BEST3: variants seen among roughly 807,000 people sequenced by gnomAD.
The protein encoded by BEST3 is bestrophin-3.
Under a neutral mutation model 47.1 loss-of-function variants are expected in BEST3, and 50 were observed. That is an observed-to-expected ratio of 1.06 (90% CI 0.85 to 1.34). The LOEUF is 1.34. Ranked by LOEUF, BEST3 falls within the 40% of genes most tolerant of loss-of-function variation. BEST3 has a pLI of 0.00. For synonymous variants in BEST3, 282 were observed against 298.8 expected, an observed-to-expected ratio of 0.94 and a Z score of 0.58; for missense variants, 765 against 817.0, an observed-to-expected ratio of 0.94 and a Z score of 0.78.
rs532856517 is a variant in BEST3, at chr12:69,698,800, T to G, written c.-16+405A>C. On this transcript the variant is annotated intron_variant, in intron 1 of 9. Transcript: ENST00000330891. ...TCAACTCTGATTTGCCTATTTTCCC[T>G]AAGGAAATGAAACTCTGGAGCTACG... Among the ~76,000 whole-genome samples, 4 of 152,362 alleles carry G rather than the reference T, an allele frequency of 2.6e-5. No individual in the cohort carries two copies. The East Asian group carries it at 7.7e-4, about 29-fold the overall frequency.
chr12:69,689,375 C>G (rs1885820239), intron 4 of BEST3: 1 of 469,058 alleles, frequency 2.1e-6, no homozygotes, highest in African/African-American at 2.1e-5. Context: ...AGCGTCTCTC[C>G]TGGCTTAGAG....
At chr12:69,652,043 G>C (rs914999088), downstream of BEST3, among the ~76,000 whole-genome samples, 1 of 152,188 alleles carries the variant, frequency 6.6e-6, no homozygotes, top group Non-Finnish European at 1.5e-5. Flanking sequence ...GGAGATAACA[G>C]CCTTCTTTGT....
downstream of BEST3, among the ~76,000 whole-genome samples, chr12:69,651,786 G>GAAAAAAAA (rs5798944): frequency 7.2e-5 from 7 of 97,186 alleles, no homozygotes; most frequent in South Asian, 4.2e-4. Flanking sequence ...AAAAAAAAAA[G>GAAAAAAAA]AAAAAAAAAA....
chr12:69,655,580 C>CT lies in BEST3; in HGVS notation c.1333dup (p.Arg445LysfsTer58). The CT allele has an allele frequency of 6.2e-7, 1 of 1,613,936 alleles. No homozygotes were observed. The highest frequency in any genetic ancestry group is 8.5e-7 in the Non-Finnish European group (1 of 1,179,978). ...GGATTTCTTCCAGGTGGGTGAGGCC[C>CT]TGGGGGGGTTTCTTGAGGGCACATC... On this transcript the variant is annotated frameshift_variant, in exon 10 of 10. Transcript: ENST00000330891. LOFTEE classifies it low-confidence loss of function (END_TRUNC).
intron 9 of BEST3, among the ~76,000 whole-genome samples, chr12:69,663,264 T>C (rs187188413): frequency 1.3e-5 from 2 of 152,380 alleles, no homozygotes; most frequent in East Asian, 3.9e-4. Context: ...AGGATAGTTC[T>C]GGACCTTGAT....
At chr12:69,688,260 G>C (rs974345942) in intron 4 of BEST3, among the ~76,000 whole-genome samples, 2 of 152,136 alleles carry the variant, frequency 1.3e-5, no homozygotes, top group African/African-American at 2.4e-5. Flanking sequence ...ACATCTCCCA[G>C]GGCAGGTGAT....
chr12:69,684,484 T>C (rs377325143), intron 4 of BEST3: 2 of 569,888 alleles, frequency 3.5e-6, no homozygotes, highest in Non-Finnish European at 3.4e-6. Flanking sequence ...TTTTCCTTGA[T>C]TGAAGTTGAG....
downstream of BEST3, among the ~76,000 whole-genome samples, chr12:69,648,704 C>T (rs1459544580): frequency 6.6e-6 from 1 of 152,138 alleles, no homozygotes; most frequent in Non-Finnish European, 1.5e-5. Context: ...GAATACAAGT[C>T]CAACTGGTGA....
At chr12:69,686,771 C>CAAAAAAAAAAAAAAAAA (rs1555208491) in intron 4 of BEST3, among the ~76,000 whole-genome samples, 2 of 49,932 alleles carry the variant, frequency 4.0e-5, no homozygotes, top group African/African-American at 2.2e-4. Flanking sequence ...GATTCTGCCT[C>CAAAAAAAAAAAAAAAAA]AAAAAAACAA....
chr12:69,691,354 C>G (rs1885916370), intron 4 of BEST3, among the ~76,000 whole-genome samples: 6 of 152,184 alleles, frequency 3.9e-5, no homozygotes, highest in Admixed American at 2.6e-4. Flanking sequence ...GAATGGTTAA[C>G]TAACTCAGAC....
chr12:69,691,815 G>T (rs943706193), intron 4 of BEST3, among the ~76,000 whole-genome samples: 1 of 152,098 alleles, frequency 6.6e-6, no homozygotes, highest in Non-Finnish European at 1.5e-5. Flanking sequence ...TTGCAGGCCT[G>T]GTTGCTGAAA....
intron 4 of BEST3, among the ~76,000 whole-genome samples, chr12:69,692,064 C>T (rs1885947179): frequency 6.6e-6 from 1 of 152,080 alleles, no homozygotes; most frequent in Non-Finnish European, 1.5e-5. Context: ...GTGTGTATGC[C>T]TCAAACTGGA....
At chr12:69,649,883 T>C (rs919662538), downstream of BEST3, among the ~76,000 whole-genome samples, 3 of 152,258 alleles carry the variant, frequency 2.0e-5, no homozygotes, top group African/African-American at 7.2e-5. Context: ...AACGTTCTTA[T>C]TTGTTTTCTG....
At chr12:69,688,707 A>G (rs926364686) in intron 4 of BEST3, among the ~76,000 whole-genome samples, 7 of 152,120 alleles carry the variant, frequency 4.6e-5, no homozygotes, top group Non-Finnish European at 7.4e-5. Flanking sequence ...CCAGCACTGA[A>G]TCTATGGAGG....
exon 10 of BEST3, chr12:69,643,707 C>T (rs1219708133): frequency 1.1e-5 from 8 of 715,258 alleles, no homozygotes; most frequent in Admixed American, 8.0e-5. Context: ...ACCAGGATCA[C>T]TCTTAGCACA....
intron 9 of BEST3, among the ~76,000 whole-genome samples, chr12:69,644,467 GA>G (rs1882969645): frequency 6.6e-6 from 1 of 152,178 alleles, no homozygotes; most frequent in South Asian, 2.1e-4. Flanking sequence ...AGGTTTTAGT[GA>G]GAGTTGTTTT....
Position 69,690,068 on chromosome 12 carries a change from G to A in BEST3, c.481+3606C>T, listed in dbSNP as rs1472658606. Among the ~76,000 whole-genome samples the A allele has an allele frequency of 2.6e-5, 4 of 152,298 alleles. No individual in the cohort carries two copies. In the South Asian group the frequency reaches 6.2e-4, roughly 24 times the overall value. ...CAGATTCCTAGGCCGTACATCCAAA[G>A]GTTCTATTAGGTTCTATAATAATTC... is the stretch of plus-strand genomic sequence containing the variant. On this transcript the variant is annotated intron_variant, in intron 4 of 9. Coordinates refer to ENST00000330891, the MANE Select transcript of BEST3 (RefSeq NM_032735.3).
intron 4 of BEST3, among the ~76,000 whole-genome samples, chr12:69,688,532 A>G (rs1001575785): frequency 1.3e-5 from 2 of 152,168 alleles, no homozygotes; most frequent in African/African-American, 4.8e-5. Context: ...TGGTCTTGTT[A>G]TTTTTCAGAA....
At chr12:69,660,397 T>C (rs1399199693) in intron 9 of BEST3, 4 of 152,170 alleles carry the variant, frequency 2.6e-5, no homozygotes. Context: ...CTAGGAGATA[T>C]CACTTAACAA....
Sources: gnomAD v4.1 joint callset for allele counts (sites outside exome capture counted in the v4.1 genomes callset) on GRCh38, gnomAD v4.1.1 for gene constraint, MANE v1.5 for transcripts, NCBI Gene and HGNC (gene_info 2026-07-23, HGNC 2026-07-21) for gene names.